Variants in ALDH1A2 observed in about 807,000 individuals in gnomAD.
The protein encoded by ALDH1A2 is aldehyde dehydrogenase 1 family member A2.
In ALDH1A2, 27 loss-of-function variants were observed where a neutral mutation model predicts 60.3. That is an observed-to-expected ratio of 0.45 (90% CI 0.33 to 0.62). ALDH1A2 has a LOEUF of 0.62. Among genes scored for constraint, ALDH1A2 ranks in the 20% least tolerant of loss-of-function variants. The probability of loss-of-function intolerance (pLI) is 0.02; values close to 1 mark genes in which losing one functional copy is unlikely to be tolerated. For missense variants in ALDH1A2, 581 were observed against 643.8 expected (o/e 0.90, Z 1.06); for synonymous variants, 289 against 232.4 (o/e 1.24, Z -2.21).
intron 1 of ALDH1A2, among the ~76,000 whole-genome samples, chr15:58,049,491 C>A (rs747219145): frequency 1.3e-5 from 2 of 152,206 alleles, no homozygotes; most frequent in Non-Finnish European, 2.9e-5. Flanking sequence ...TATAAGCAAT[C>A]AATTCAAGGC....
At chr15:58,054,308 CAG>C (rs1182910463) in intron 1 of ALDH1A2, among the ~76,000 whole-genome samples, 6 of 152,088 alleles carry the variant, frequency 3.9e-5, no homozygotes, top group Non-Finnish European at 8.8e-5. Flanking sequence ...AAAGTGAAGT[CAG>C]AGAAATCTGG....
intron 7 of ALDH1A2, chr15:57,979,940 C>G: frequency 2.8e-6 from 1 of 354,008 alleles, no homozygotes; most frequent in East Asian, 7.4e-5. Context: ...TTGTCGGTTC[C>G]CAGCTTGGTG....
At position 57,995,232 on chromosome 15, in the gene ALDH1A2, A is replaced by AAAAAAAAAAAAAAAG; in HGVS notation, c.494-94_494-93insCTTTTTTTTTTTTTT. Reference sequence around the variant, plus strand: ...TTGGTGGCTGCAAAAAAAAAAAAAAAAAAACAAACAGAAATAAACTTGAAA... The same window carrying AAAAAAAAAAAAAAAG: ...TTGGTGGCTGCAAAAAAAAAAAAAAAAAAAAAAAAAAAAAGAAAACAAACAGAAATAAACTTGAAA... On this transcript the variant is annotated intron_variant, in intron 4 of 12. Coordinates refer to ENST00000249750, the MANE Select transcript of ALDH1A2 (RefSeq NM_003888.4). 2 of 747,210 alleles carry AAAAAAAAAAAAAAAG rather than the reference A, an allele frequency of 2.7e-6. 1 individual carries two copies. Among genetic ancestry groups the AAAAAAAAAAAAAAAG allele is most frequent in the Non-Finnish European group, 4.4e-6 (2 of 453,340 alleles). 46.3% of individuals were successfully genotyped at this position (747,210 alleles called of 1,614,324 possible).
chr15:58,012,305 C>T (rs1017114238), intron 3 of ALDH1A2, among the ~76,000 whole-genome samples: 3 of 152,144 alleles, frequency 2.0e-5, no homozygotes, highest in Non-Finnish European at 2.9e-5. Context: ...CATTTATTGA[C>T]AACCTATGTG....
intron 4 of ALDH1A2, 33 bp from the exon 5 acceptor site, chr15:57,995,172 G>A: frequency 8.7e-7 from 1 of 1,144,252 alleles, no homozygotes; most frequent in South Asian, 1.5e-5. Flanking sequence ...CTCCCAGAAA[G>A]TTTAGATTAG....
intron 1 of ALDH1A2, among the ~76,000 whole-genome samples, chr15:58,058,358 G>C (rs752463489): frequency 6.6e-6 from 1 of 150,870 alleles, no homozygotes; most frequent in Non-Finnish European, 1.5e-5. Context: ...ACAATATTTC[G>C]CCAGATTCAT....
rs146967675 is a variant in ALDH1A2, at chr15:58,038,744, T to C, written c.118-24463A>G. On this transcript the variant is annotated intron_variant, in intron 1 of 12. Transcript: ENST00000249750. ...CCATCAATATTGTGGTAGAAGGCAA[T>C]GGGAATTGCTACTGGTAATGGTTAA... 7.2e-4 allele frequency among the ~76,000 whole-genome samples: 110 copies of C among 151,854 alleles called. 1 individual carries two copies. The highest frequency in any genetic ancestry group is 1.4e-3 in the Non-Finnish European group (93 of 67,766).
chr15:58,026,727 G>C lies in ALDH1A2; in HGVS notation c.118-12446C>G, dbSNP rs564304950. Among the ~76,000 whole-genome samples, 77 of 152,354 alleles carry C rather than the reference G, an allele frequency of 5.1e-4. 3 individuals are homozygous for C. The South Asian group carries it at 0.016, about 31-fold the overall frequency. ...GACCAACGTATTCCCTCCCATGCCA[G>C]GTTCGGCGGGTCCCATGCCCACGGA... On this transcript the variant is annotated intron_variant, in intron 1 of 12. Coordinates refer to ENST00000249750, the MANE Select transcript of ALDH1A2 (RefSeq NM_003888.4).
chr15:57,999,902 T>C (rs1172589415), intron 4 of ALDH1A2, among the ~76,000 whole-genome samples: 2 of 151,990 alleles, frequency 1.3e-5, no homozygotes, highest in African/African-American at 4.8e-5. Flanking sequence ...AATGGGATCA[T>C]GACCTTTGCA....
chr15:58,034,628 A>G (rs922609544), intron 1 of ALDH1A2, among the ~76,000 whole-genome samples: 32 of 151,760 alleles, frequency 2.1e-4, no homozygotes, highest in African/African-American at 6.3e-4. Flanking sequence ...CAGGTTGAGG[A>G]GATTCTCCTC....
At chr15:58,027,892 G>T (rs1273556095) in intron 1 of ALDH1A2, among the ~76,000 whole-genome samples, 1 of 152,114 alleles carries the variant, frequency 6.6e-6, no homozygotes, top group Non-Finnish European at 1.5e-5. Flanking sequence ...AGAAATATGG[G>T]ACTATGTGAA....
intron 1 of ALDH1A2, among the ~76,000 whole-genome samples, chr15:58,017,625 G>A (rs1895821563): frequency 6.6e-6 from 1 of 152,044 alleles, no homozygotes; most frequent in African/African-American, 2.4e-5. Context: ...AGATGATAAT[G>A]TTCTAGGTTC....
At chr15:58,034,076 G>C (rs1239002890) in intron 1 of ALDH1A2, among the ~76,000 whole-genome samples, 1 of 151,568 alleles carries the variant, frequency 6.6e-6, no homozygotes, top group Non-Finnish European at 1.5e-5. Context: ...TATTAACTTG[G>C]GAAGAAATGA....
chr15:58,014,303 T>G (rs376751574), intron 1 of ALDH1A2, 22 bp from the exon 2 acceptor site: 621 of 1,586,630 alleles, frequency 3.9e-4, no homozygotes, highest in Non-Finnish European at 4.9e-4. Flanking sequence ...GATAACAGAA[T>G]GGGATCTGTG....
intron 4 of ALDH1A2, among the ~76,000 whole-genome samples, chr15:58,000,948 GTCTC>G (rs1337871359): frequency 2.8e-5 from 4 of 143,134 alleles, no homozygotes; most frequent in Non-Finnish European, 6.0e-5. Flanking sequence ...TTTATTTTTT[GTCTC>G]TCTAATAACT....
chr15:58,047,715 A>G (rs932155271), intron 1 of ALDH1A2, among the ~76,000 whole-genome samples: 2 of 152,020 alleles, frequency 1.3e-5, no homozygotes, highest in Non-Finnish European at 2.9e-5. Context: ...GATCATTTAG[A>G]GAGGGGGAAA....
At chr15:58,022,776 A>G (rs1895966949) in intron 1 of ALDH1A2, among the ~76,000 whole-genome samples, 1 of 152,174 alleles carries the variant, frequency 6.6e-6, no homozygotes, top group African/African-American at 2.4e-5. Context: ...GAAATCATAT[A>G]GAGACTACAC....
intron 5 of ALDH1A2, among the ~76,000 whole-genome samples, chr15:57,994,509 G>C (rs1158211633): frequency 6.6e-6 from 1 of 152,146 alleles, no homozygotes; most frequent in Non-Finnish European, 1.5e-5. Context: ...AGACAGACAG[G>C]AACAAAGGGA....
At chr15:57,989,377 A>G (rs375827396) in intron 7 of ALDH1A2, among the ~76,000 whole-genome samples, 24 of 152,334 alleles carry the variant, frequency 1.6e-4, no homozygotes, top group African/African-American at 5.1e-4. Context: ...TGTTATGCCA[A>G]TCAAAATTCC....
Sources: gnomAD v4.1 joint callset for allele counts (sites outside exome capture counted in the v4.1 genomes callset) on GRCh38, gnomAD v4.1.1 for gene constraint, MANE v1.5 for transcripts, NCBI Gene and HGNC (gene_info 2026-07-23, HGNC 2026-07-21) for gene names.